The following EML1 variants were observed in gnomAD, a reference collection of about 807,000 sequenced individuals.
The protein encoded by EML1 is EMAP like 1.
In EML1, 27 loss-of-function variants were observed where a neutral mutation model predicts 110.4. The observed-to-expected ratio is 0.24, with a 90% CI of 0.18 to 0.34. The LOEUF (loss-of-function observed/expected upper bound fraction) is 0.34, where lower values mean the gene tolerates loss of function less well. EML1 is among the 10% of genes least tolerant of loss of function. The pLI is 1.00. For missense variants in EML1, 741 were observed against 1,030.9 expected (o/e 0.72, Z 3.85); for synonymous variants, 344 against 385.8 (o/e 0.89, Z 1.27).
At chr14:99,739,312 C>T (rs1171030264) in intron 1 of EML1, among the ~76,000 whole-genome samples, 1 of 152,094 alleles carries the variant, frequency 6.6e-6, no homozygotes, top group African/African-American at 2.4e-5. Context: ...CTGACGCTAA[C>T]CCGGAATAGC....
Position 99,909,471 on chromosome 14 carries a change from T to C in EML1, c.1231T>C (p.Leu411=). 1 of 1,614,142 alleles carries C rather than the reference T, an allele frequency of 6.2e-7. No homozygotes were observed. ...AAGCTCCCTTAATAAGAAGCAAGGA[T>C]TATTCGAGGTAAAGTTAAATTATGA... The part of the protein sequence containing the change: ...EGSSLNKKQG[L]FEKQEKPKFV... The change falls in exon 11 of 22, where the codon TTA becomes CTA. Residue 411 remains leucine, a synonymous_variant. Coordinates refer to ENST00000262233, the MANE Select transcript of EML1 (RefSeq NM_004434.3).
chr14:99,789,558 G>A (rs1244449886), upstream of EML1, among the ~76,000 whole-genome samples: 4 of 152,110 alleles, frequency 2.6e-5, no homozygotes, highest in South Asian at 2.1e-4. Flanking sequence ...TTGACTTCAC[G>A]GCTACCTGCA....
At chr14:99,878,336 C>T in intron 3 of EML1, 149 bp from the exon 4 acceptor site, 1 of 1,145,396 alleles carries the variant, frequency 8.7e-7, no homozygotes. Flanking sequence ...CTATGTGACA[C>T]TCTGAAAAGC....
At chr14:99,926,119 A>G (rs2060228929) in intron 17 of EML1, among the ~76,000 whole-genome samples, 1 of 152,160 alleles carries the variant, frequency 6.6e-6, no homozygotes, top group South Asian at 2.1e-4. Flanking sequence ...CAAATAAACA[A>G]CACTTCTCAG....
At chr14:99,886,219 C>T (rs1270813975) in intron 4 of EML1, 1 of 203,914 alleles carries the variant, frequency 4.9e-6, no homozygotes, top group Non-Finnish European at 1.0e-5. Flanking sequence ...CAGTGGCTCA[C>T]ACCTGGAATC....
At chr14:99,813,594 T>C (rs1429977685) in intron 1 of EML1, among the ~76,000 whole-genome samples, 1 of 151,972 alleles carries the variant, frequency 6.6e-6, no homozygotes, top group African/African-American at 2.4e-5. Context: ...GTAGTCCCAG[T>C]TACTTGGGAG....
intron 1 of EML1, among the ~76,000 whole-genome samples, chr14:99,744,085 T>C (rs921707711): frequency 7.9e-5 from 12 of 152,198 alleles, no homozygotes; most frequent in Admixed American, 7.8e-4. Flanking sequence ...TTTTGCACTT[T>C]GATTTCAAAA....
At chr14:99,762,658 G>T (rs1462410242) in intron 1 of EML1, among the ~76,000 whole-genome samples, 1 of 152,160 alleles carries the variant, frequency 6.6e-6, no homozygotes, top group African/African-American at 2.4e-5. Flanking sequence ...AAGTAGTCAG[G>T]TGTGGTGTCA....
At chr14:99,865,361 G>A (rs1032786933) in intron 2 of EML1, among the ~76,000 whole-genome samples, 153 bp from the exon 3 acceptor site, 3 of 152,204 alleles carry the variant, frequency 2.0e-5, no homozygotes, top group South Asian at 2.1e-4. Flanking sequence ...GGTAGCAACC[G>A]TAAATAGAGA....
intron 3 of EML1, among the ~76,000 whole-genome samples, chr14:99,870,920 A>G (rs1314192128): frequency 1.3e-5 from 2 of 152,172 alleles, no homozygotes; most frequent in African/African-American, 4.8e-5. Context: ...CCCTTGGATC[A>G]AGGAGTAATT....
In EML1 at chr14:99,865,649, G is replaced by A; in HGVS notation, c.383+3G>A. ...ACTGCTGTGCCAGCAACCAAAAGGT[G>A]AGCCAGAAGCAGGGCCTTAAATGAA... On this transcript the variant is annotated splice_donor_region_variant and intron_variant, in intron 3 of 21. Coordinates refer to ENST00000262233, the MANE Select transcript of EML1 (RefSeq NM_004434.3). The A allele has an allele frequency of 6.2e-7, 1 of 1,613,774 alleles. No individual in the cohort carries two copies. The highest frequency in any genetic ancestry group is 8.5e-7 in the Non-Finnish European group (1 of 1,179,862).
At chr14:99,809,520 G>T (rs1172072290) in intron 1 of EML1, 1 of 401,458 alleles carries the variant, frequency 2.5e-6, no homozygotes. Context: ...AGGCGCCCTG[G>T]TCGGCACCCT....
At chr14:99,912,696 T>C (rs552457491) in intron 13 of EML1, among the ~76,000 whole-genome samples, 4 of 152,364 alleles carry the variant, frequency 2.6e-5, no homozygotes, top group Non-Finnish European at 4.4e-5. Flanking sequence ...GTGAGAACAT[T>C]TTTAATAATA....
intron 3 of EML1, among the ~76,000 whole-genome samples, chr14:99,875,164 C>T (rs1475960388): frequency 6.6e-6 from 1 of 152,140 alleles, no homozygotes; most frequent in Admixed American, 6.5e-5. Context: ...AACTGGTCCT[C>T]CAAAACAGTA....
chr14:99,885,813 A>G (rs1457810574), intron 4 of EML1: 17 of 448,442 alleles, frequency 3.8e-5, no homozygotes, highest in Non-Finnish European at 6.7e-5. Flanking sequence ...GCATTGTAAC[A>G]TATCTTATTT....
At position 99,920,776 on chromosome 14, in the gene EML1, A is replaced by T. The variant is rs2060116661; in HGVS notation, c.1821-13A>T. On this transcript the variant is annotated splice_polypyrimidine_tract_variant and intron_variant, in intron 16 of 21. Transcript: ENST00000262233. The stretch of plus-strand genomic sequence containing the variant: ...TAAACAACTTACTGTGCTTTTTCTC[A>T]TGTTGATAACAGGTGGTTTGTGTTT... The T allele has an allele frequency of 6.2e-7, 1 of 1,603,130 alleles. No individual in the cohort carries two copies.
At chr14:99,810,786 C>T (rs1344305557) in intron 1 of EML1, among the ~76,000 whole-genome samples, 1 of 152,146 alleles carries the variant, frequency 6.6e-6, no homozygotes, top group Non-Finnish European at 1.5e-5. Flanking sequence ...TTAATAATAA[C>T]ATATTACATG....
intron 1 of EML1, chr14:99,850,272 G>A (rs2058773243): frequency 2.3e-6 from 3 of 1,287,632 alleles, no homozygotes; most frequent in Non-Finnish European, 3.0e-6. Context: ...GATTGGAGAG[G>A]CGAAGAAGAT....
chr14:99,768,949 C>G (rs949446509), upstream of EML1, among the ~76,000 whole-genome samples: 3 of 152,258 alleles, frequency 2.0e-5, no homozygotes, highest in Admixed American at 6.5e-5. Context: ...AACTCCTGAC[C>G]TCAGATGATC....
Sources: allele counts gnomAD v4.1 joint callset (sites outside exome capture counted in the v4.1 genomes callset), GRCh38; gene constraint gnomAD v4.1.1; transcripts MANE v1.5; gene names NCBI Gene and HGNC (gene_info 2026-07-23, HGNC 2026-07-21).